ZBTB38: variants seen among roughly 807,000 people sequenced by gnomAD.
The protein encoded by ZBTB38 is zinc finger and BTB domain containing 38.
Under a neutral mutation model 76.8 loss-of-function variants are expected in ZBTB38, and 20 were observed. The observed-to-expected ratio is 0.26, with a 90% CI of 0.18 to 0.38. The LOEUF is 0.38. ZBTB38 is among the 10% of genes least tolerant of loss of function. The pLI, the probability that ZBTB38 is intolerant of heterozygous loss-of-function variation, is 1.00. For synonymous variants in ZBTB38, 504 were observed against 544.2 expected (o/e 0.93, Z 1.03); for missense variants, 1,082 against 1,482.3 (o/e 0.73, Z 4.43).
chr3:141,393,621 T>C (rs1173506406), intron 4 of ZBTB38, among the ~76,000 whole-genome samples: 2 of 151,784 alleles, frequency 1.3e-5, no homozygotes, highest in Non-Finnish European at 2.9e-5. Context: ...TGGCTGTAGA[T>C]AGAGAGGGCA....
At position 141,389,482 on chromosome 3, in the gene ZBTB38, AT is replaced by A. The variant is rs968409565; in HGVS notation, c.-106+2549del. The A allele has an allele frequency of 1.5e-4, 19 of 124,982 alleles. No homozygotes were observed. In the East Asian group the frequency reaches 1.6e-3, roughly 10 times the overall value. 7.7% of individuals were successfully genotyped at this position (124,982 alleles called of 1,614,324 possible). A position where few individuals can be genotyped will look rare whatever the true frequency, so the allele number is the denominator to read the frequency against. On this transcript the variant is annotated intron_variant, in intron 4 of 5. Transcript: ENST00000321464. ...TTTTTTTTTTTGGCTGTTGGGAGCC[AT>A]TTTCCTTCTTGCCTGTGACTTTAAA...
chr3:141,375,147 C>CT (rs1279927574), intron 2 of ZBTB38, among the ~76,000 whole-genome samples: 3 of 152,218 alleles, frequency 2.0e-5, no homozygotes, highest in East Asian at 3.9e-4. Flanking sequence ...AACTTAAAGT[C>CT]TTTTTTTGGC....
At chr3:141,408,619 C>T (rs1955516499) in intron 5 of ZBTB38, among the ~76,000 whole-genome samples, 1 of 151,868 alleles carries the variant, frequency 6.6e-6, no homozygotes, top group African/African-American at 2.4e-5. Context: ...TTATTCACAA[C>T]AAAGGATTGA....
intron 4 of ZBTB38, among the ~76,000 whole-genome samples, chr3:141,391,744 A>T (rs1311941982): frequency 4.6e-5 from 7 of 152,206 alleles, no homozygotes; most frequent in Non-Finnish European, 1.0e-4. Context: ...ATAGTCATTG[A>T]ATTTTTTTCA....
At chr3:141,373,006 C>T (rs773217736) in intron 2 of ZBTB38, among the ~76,000 whole-genome samples, 1 of 152,160 alleles carries the variant, frequency 6.6e-6, no homozygotes, top group Non-Finnish European at 1.5e-5. Flanking sequence ...CTGCATATTA[C>T]TACAGGAAGG....
At position 141,417,533 on chromosome 3, in the gene ZBTB38, C is replaced by T. The variant is rs142584764; in HGVS notation, c.-1+13502C>T. Among the ~76,000 whole-genome samples, 3 of 152,270 alleles carry T rather than the reference C, an allele frequency of 2.0e-5. No homozygotes were observed. In the East Asian group the frequency reaches 5.8e-4, roughly 29 times the overall value. On this transcript the variant is annotated intron_variant, in intron 5 of 5. Transcript: ENST00000321464. ...AATTTCCAGTTAGTCGATTCTTCAT[C>T]CAAATAGCTTTCAAATTTTTCCCCT...
chr3:141,350,189 G>T (rs563830938), intron 1 of ZBTB38, among the ~76,000 whole-genome samples: 2 of 152,128 alleles, frequency 1.3e-5, no homozygotes, highest in African/African-American at 4.8e-5. Flanking sequence ...TTTACACATC[G>T]GGGATAAGAA....
Position 141,444,525 on chromosome 3 carries a change from G to T in ZBTB38, c.2137G>T (p.Ala713Ser). ...AASVISYSGS[A>S]PSVIVHSSQF... ...CTCTGTGATCAGCTACAGTGGCTCT[G>T]CACCCTCGGTCATTGTACACAGCAG... The change falls in exon 6 of 6, where the codon GCA (alanine) becomes TCA (serine). Residue 713 changes from alanine to serine, a missense_variant. By Grantham distance (99) the Ala-to-Ser change is moderately conservative. Around this residue, in one of 8 missense-constraint regions of ZBTB38, gnomAD observed 471 missense variants for 581.0 expected, o/e 0.81. Coordinates refer to ENST00000321464, the MANE Select transcript of ZBTB38 (RefSeq NM_001376113.1). This position sits in a 1 kb window ranked among gnomAD's most constrained non-coding sequence, Gnocchi z 5.1. The T allele has an allele frequency of 6.2e-7, 1 of 1,614,156 alleles. No homozygotes were observed.
chr3:141,410,209 T>C (rs1227897535), intron 5 of ZBTB38, among the ~76,000 whole-genome samples: 1 of 152,180 alleles, frequency 6.6e-6, no homozygotes, highest in Admixed American at 6.5e-5. Flanking sequence ...GATATGCCGA[T>C]ATTAGCCAGA....
At chr3:141,391,543 C>T (rs561183193) in intron 4 of ZBTB38, among the ~76,000 whole-genome samples, 60 of 152,286 alleles carry the variant, frequency 3.9e-4, no homozygotes, top group Admixed American at 2.0e-3. Context: ...GACCCCGTCA[C>T]GACCCTGAAA....
chr3:141,440,378 A>G (rs1392269459), intron 5 of ZBTB38, among the ~76,000 whole-genome samples: 1 of 152,248 alleles, frequency 6.6e-6, no homozygotes, highest in African/African-American at 2.4e-5. Flanking sequence ...CCTTGTATAA[A>G]GGACACTAAA....
intron 5 of ZBTB38, among the ~76,000 whole-genome samples, chr3:141,406,615 T>A (rs1044647071): frequency 5.1e-4 from 77 of 152,260 alleles, no homozygotes; most frequent in African/African-American, 1.7e-3. Flanking sequence ...CTTTGGTTTA[T>A]AAGAAAAAGT....
rs937267354 is a variant in ZBTB38 at position 141,445,829 on chromosome 3, C to T, written c.3441C>T (p.His1147=). The change falls in exon 6 of 6, where the codon CAC becomes CAT. Residue 1147 remains histidine (H), a synonymous_variant. Coordinates refer to ENST00000321464, the MANE Select transcript of ZBTB38 (RefSeq NM_001376113.1). The surrounding 1 kb of genome is among the most constrained non-coding windows in gnomAD (Gnocchi z 6.5). ...AAALGMHQKK[H]LFKSPSQQEK... ...CCCTTGGAATGCACCAAAAGAAACA[C>T]TTATTCAAAAGCCCAAGTCAGCAGG... 2 of 1,614,024 alleles carry T rather than the reference C, an allele frequency of 1.2e-6. No homozygotes were observed. Among genetic ancestry groups the T allele is most frequent in the African/African-American group, 1.3e-5 (1 of 74,936 alleles).
chr3:141,392,232 C>T (rs577416218), intron 4 of ZBTB38, among the ~76,000 whole-genome samples: 18 of 152,158 alleles, frequency 1.2e-4, no homozygotes, highest in Non-Finnish European at 1.3e-4. Context: ...TGTTCGGTTC[C>T]TTTGTAGTAG....
chr3:141,426,163 A>G, intron 5 of ZBTB38: 1 of 1,289,430 alleles, frequency 7.8e-7, no homozygotes, highest in East Asian at 5.5e-5. Context: ...AGCAGGAGAC[A>G]TGGTAAGCTG....
At chr3:141,328,323 A>T (rs996431934) in intron 1 of ZBTB38, among the ~76,000 whole-genome samples, 1 of 152,216 alleles carries the variant, frequency 6.6e-6, no homozygotes, top group African/African-American at 2.4e-5. Flanking sequence ...CCACTTGTCT[A>T]CAGCCATCCC....
intron 1 of ZBTB38, among the ~76,000 whole-genome samples, chr3:141,353,461 G>T (rs1943577410): frequency 6.6e-6 from 1 of 151,928 alleles, no homozygotes; most frequent in Non-Finnish European, 1.5e-5. Context: ...TAACCAAAAA[G>T]CAAAAGACAT....
At chr3:141,387,601 TC>T (rs1167231089) in intron 4 of ZBTB38, 1 of 152,206 alleles carries the variant, frequency 6.6e-6, no homozygotes, top group Non-Finnish European at 1.5e-5. Context: ...CTTTGAACTC[TC>T]AGAGGAGGAA....
intron 5 of ZBTB38, among the ~76,000 whole-genome samples, chr3:141,409,238 G>A (rs1369910267): frequency 6.6e-6 from 1 of 152,044 alleles, no homozygotes; most frequent in Non-Finnish European, 1.5e-5. Flanking sequence ...TAGAGATGGG[G>A]TTTCACCACG....
Sources: allele counts gnomAD v4.1 joint callset (sites outside exome capture counted in the v4.1 genomes callset), GRCh38; gene constraint gnomAD v4.1.1; regional missense constraint gnomAD v4.1.1; non-coding constraint Gnocchi (gnomAD v3.1); transcripts MANE v1.5; gene names NCBI Gene and HGNC (gene_info 2026-07-23, HGNC 2026-07-21).